The following SMCHD1 variants were observed in gnomAD, a reference collection of about 807,000 sequenced individuals.
SMCHD1 encodes the protein structural maintenance of chromosomes flexible hinge domain-containing protein 1.
A neutral mutation model predicts 254.7 loss-of-function variants in SMCHD1; 78 were observed. That is an observed-to-expected ratio of 0.31 (90% CI 0.26 to 0.37). The LOEUF is 0.37. SMCHD1 is among the 10% of genes least tolerant of loss of function. SMCHD1 has a pLI of 1.00. For synonymous variants in SMCHD1, 766 were observed against 794.9 expected (o/e 0.96, Z 0.61); for missense variants, 1,840 against 2,408.1 (o/e 0.76, Z 4.94).
At chr18:2,782,758 A>AAAAAAAC (rs2076177027) in intron 44 of SMCHD1, among the ~76,000 whole-genome samples, 3 of 148,818 alleles carry the variant, frequency 2.0e-5, no homozygotes, top group African/African-American at 7.6e-5. Flanking sequence ...AAAAAAAAAA[A>AAAAAAAC]AAAAAAAAAA....
intron 25 of SMCHD1, among the ~76,000 whole-genome samples, chr18:2,737,367 T>C (rs970433446): frequency 4.6e-5 from 7 of 152,096 alleles, no homozygotes; most frequent in Admixed American, 4.6e-4. Context: ...ACGTACCTAC[T>C]GAACCTAAAA....
intron 17 of SMCHD1, among the ~76,000 whole-genome samples, chr18:2,709,290 C>G (rs969058755): frequency 3.5e-5 from 5 of 141,116 alleles, no homozygotes; most frequent in African/African-American, 1.3e-4. Context: ...TTTTGTTTAT[C>G]CATTTGTTTG....
At chr18:2,768,717 A>G (rs1195558614) in intron 37 of SMCHD1, among the ~76,000 whole-genome samples, 1 of 109,000 alleles carries the variant, frequency 9.2e-6, no homozygotes, top group Non-Finnish European at 2.2e-5. Flanking sequence ...TATACTATAC[A>G]TAAATTTTAA....
chr18:2,742,984 A>T (rs141737980), intron 28 of SMCHD1, among the ~76,000 whole-genome samples: 2 of 152,262 alleles, frequency 1.3e-5, no homozygotes, highest in African/African-American at 4.8e-5. Flanking sequence ...TGATTTTAAA[A>T]TTTTGCTGAA....
intron 5 of SMCHD1, among the ~76,000 whole-genome samples, chr18:2,687,191 T>G (rs2074071633): frequency 6.6e-6 from 1 of 152,192 alleles, no homozygotes; most frequent in East Asian, 1.9e-4. Context: ...CACACACCAG[T>G]TTTTCACCAC....
intron 22 of SMCHD1, among the ~76,000 whole-genome samples, chr18:2,728,060 T>A (rs1299141688): frequency 6.6e-6 from 1 of 152,104 alleles, no homozygotes. Flanking sequence ...ATTCTTTGAA[T>A]GTCTAAAACA....
intron 5 of SMCHD1, among the ~76,000 whole-genome samples, chr18:2,686,521 A>G (rs2074055240): frequency 6.6e-6 from 1 of 152,114 alleles, no homozygotes; most frequent in African/African-American, 2.4e-5. Context: ...ATCTCAAAAC[A>G]TATAGTCTGT....
chr18:2,678,640 T>G (rs2073833061), intron 5 of SMCHD1, among the ~76,000 whole-genome samples: 1 of 151,962 alleles, frequency 6.6e-6, no homozygotes, highest in African/African-American at 2.4e-5. Context: ...ATTATGTAAT[T>G]ACCGCTACCT....
chr18:2,796,082 T>A lies in SMCHD1; in HGVS notation c.5853T>A (p.Asn1951Lys), dbSNP rs778626038. 3.2e-6 allele frequency: 5 copies of A among 1,570,378 alleles called. No individual in the cohort carries two copies. The South Asian group carries it at 6.0e-5, about 19-fold the overall frequency. The change falls in exon 46 of 48, where the codon AAT becomes AAA. Residue 1951 changes from asparagine (N) to lysine (K), a missense_variant. Transcript: ENST00000320876. The part of the protein sequence containing the change: ...KKQELDEHEK[N>K]LKLIEEKLGM... ...AAGAACTTGATGAACATGAGAAAAA[T>A]CTCAAACTAATAGAGGAAAAACTAG...
At chr18:2,707,363 T>TC (rs2074541951) in intron 15 of SMCHD1, 200 bp from the exon 16 acceptor site, 2 of 341,492 alleles carry the variant, frequency 5.9e-6, no homozygotes, top group South Asian at 1.2e-4. Flanking sequence ...TTTTTTTTTT[T>TC]CTTCTTCTTT....
chr18:2,748,423 C>A (rs1365566231), intron 30 of SMCHD1, among the ~76,000 whole-genome samples: 1 of 368 alleles, frequency 2.7e-3, no homozygotes, highest in Non-Finnish European at 4.1e-3. Context: ...GACAGAGTCT[C>A]GCTGCAACGC....
At chr18:2,671,183 G>A (rs532008186) in intron 3 of SMCHD1, among the ~76,000 whole-genome samples, 8 of 152,036 alleles carry the variant, frequency 5.3e-5, no homozygotes, top group African/African-American at 1.9e-4. Context: ...CGATCTGCCC[G>A]TCTCGACCTC....
chr18:2,762,369 A>T, intron 36 of SMCHD1, 133 bp downstream of exon 36: 1 of 662,608 alleles, frequency 1.5e-6, no homozygotes, highest in South Asian at 2.5e-5. Context: ...GTGCAGATGA[A>T]TTAAATATTT....
rs776576878 is a variant in SMCHD1, at chr18:2,740,688, T to G, written c.3515-15T>G. The G allele has an allele frequency of 7.2e-7, 1 of 1,388,720 alleles. No homozygotes were observed. The highest frequency in any genetic ancestry group is 1.0e-6 in the Non-Finnish European group (1 of 992,570). The allele number at this position is 1,388,720 out of a possible 1,614,324, so 86.0% of individuals were successfully genotyped here. ...TTAAAAGATAATACTAAAATAAAAC[T>G]TCCCCCTTTTTTAGTTATAATAATT... is the stretch of plus-strand genomic sequence containing the variant. On this transcript the variant is annotated splice_polypyrimidine_tract_variant and intron_variant, in intron 27 of 47. Coordinates refer to ENST00000320876, the MANE Select transcript of SMCHD1 (RefSeq NM_015295.3).
intron 1 of SMCHD1, among the ~76,000 whole-genome samples, chr18:2,662,195 ATAAATAAAG>A (rs2073296813): frequency 9.0e-6 from 1 of 110,676 alleles, no homozygotes; most frequent in African/African-American, 3.9e-5. Context: ...AAATAAATAA[ATAAATAAAG>A]AAAGAAAGAA....
chr18:2,662,188 T>TAAAG (rs143568724), intron 1 of SMCHD1, among the ~76,000 whole-genome samples: 1 of 76,080 alleles, frequency 1.3e-5, no homozygotes, highest in Non-Finnish European at 2.2e-5. Flanking sequence ...ATAAAATAAA[T>TAAAG]AAATAAATAA....
chr18:2,763,226 G>A (rs922735967), intron 36 of SMCHD1, among the ~76,000 whole-genome samples: 4 of 152,184 alleles, frequency 2.6e-5, no homozygotes, highest in Middle Eastern at 3.2e-3. Flanking sequence ...TATAAGCACC[G>A]AACATTGTGA....
chr18:2,690,908 A>G (rs1146056), intron 7 of SMCHD1, among the ~76,000 whole-genome samples: 1 of 151,324 alleles, frequency 6.6e-6, no homozygotes, highest in Non-Finnish European at 1.5e-5. Flanking sequence ...TTTATTTTTC[A>G]AAAGAATGAG....
intron 25 of SMCHD1, among the ~76,000 whole-genome samples, chr18:2,736,797 G>T (rs112727743): frequency 1.3e-5 from 2 of 152,152 alleles, no homozygotes; most frequent in Non-Finnish European, 2.9e-5. Context: ...ATGCACTGTC[G>T]GTTGGACTGT....
Sources: gnomAD v4.1 joint callset for allele counts (sites outside exome capture counted in the v4.1 genomes callset) on GRCh38, gnomAD v4.1.1 for gene constraint, MANE v1.5 for transcripts, NCBI Gene and HGNC (gene_info 2026-07-23, HGNC 2026-07-21) for gene names.